Variants in FAM13A observed in about 807,000 individuals in gnomAD.
FAM13A encodes the protein family with sequence similarity 13 member A.
In FAM13A, 76 loss-of-function variants were observed where a neutral mutation model predicts 129.6. The ratio of observed to expected loss-of-function variants is 0.59; its 90% CI spans 0.49 to 0.71. The LOEUF is 0.71. Among genes scored for constraint, FAM13A ranks in the 30% least tolerant of loss-of-function variants. The probability of loss-of-function intolerance (pLI) is 0.00; values close to 1 mark genes in which losing one functional copy is unlikely to be tolerated. For synonymous variants in FAM13A, 443 were observed against 449.9 expected (o/e 0.98, Z 0.20); for missense variants, 1,108 against 1,249.3 (o/e 0.89, Z 1.70).
chr4:88,962,512 C>G (rs1165092630), intron 4 of FAM13A, among the ~76,000 whole-genome samples: 3 of 152,140 alleles, frequency 2.0e-5, no homozygotes, highest in Non-Finnish European at 2.9e-5. Context: ...TGGCTGCAAT[C>G]TGAGTAAGGG....
At chr4:88,814,999 A>G (rs1453344260) in intron 7 of FAM13A, among the ~76,000 whole-genome samples, 1 of 151,932 alleles carries the variant, frequency 6.6e-6, no homozygotes, top group African/African-American at 2.4e-5. Flanking sequence ...GCCACCATGC[A>G]CAGATAATTT....
intron 11 of FAM13A, among the ~76,000 whole-genome samples, chr4:88,769,109 T>A (rs1001711153): frequency 6.6e-6 from 1 of 152,224 alleles, no homozygotes; most frequent in African/African-American, 2.4e-5. Flanking sequence ...AAGTAACATA[T>A]GTTCATCTAC....
chr4:88,882,470 G>A (rs1743743312), intron 6 of FAM13A, among the ~76,000 whole-genome samples: 1 of 151,942 alleles, frequency 6.6e-6, no homozygotes, highest in Admixed American at 6.6e-5. Context: ...AGACAATGCT[G>A]AGATAATTCA....
chr4:88,985,218 T>C (rs1049951163), intron 4 of FAM13A, among the ~76,000 whole-genome samples: 1 of 152,194 alleles, frequency 6.6e-6, no homozygotes, highest in Non-Finnish European at 1.5e-5. Flanking sequence ...ATTACATTTA[T>C]ATGAAATGTC....
intron 20 of FAM13A, 130 bp from the exon 21 acceptor site, chr4:88,737,685 A>G: frequency 1.4e-6 from 1 of 735,554 alleles, no homozygotes. Flanking sequence ...CCTGCCAAAC[A>G]CTCCCAGGAA....
At chr4:88,856,645 T>C (rs1167908731) in intron 6 of FAM13A, among the ~76,000 whole-genome samples, 1 of 152,230 alleles carries the variant, frequency 6.6e-6, no homozygotes, top group Non-Finnish European at 1.5e-5. Flanking sequence ...AAGGCTTAAA[T>C]GATTATGAAA....
intron 6 of FAM13A, among the ~76,000 whole-genome samples, chr4:88,897,656 C>T (rs904651964): frequency 6.6e-6 from 1 of 152,092 alleles, no homozygotes; most frequent in Non-Finnish European, 1.5e-5. Flanking sequence ...GCAATGGAGG[C>T]CAAATGGAGT....
intron 23 of FAM13A, chr4:88,729,286 C>A (rs78517451): frequency 0.067 from 10,235 of 152,168 alleles, 407 homozygotes; most frequent in Non-Finnish European, 0.078. Context: ...CTTATAACAC[C>A]TTGATGAGAT....
At chr4:88,803,033 ACCAAACT>A (rs770260074) in intron 8 of FAM13A, among the ~76,000 whole-genome samples, 42 of 152,200 alleles carry the variant, frequency 2.8e-4, no homozygotes, top group Non-Finnish European at 3.1e-4. Context: ...AGAATTAACC[ACCAAACT>A]GAATATGCCA....
At chr4:88,862,932 AAAC>A in intron 6 of FAM13A, among the ~76,000 whole-genome samples, 1 of 152,070 alleles carries the variant, frequency 6.6e-6, no homozygotes, top group Non-Finnish European at 1.5e-5. Context: ...GAAAAAAAAA[AAAC>A]TATGTTTTTC....
chr4:88,964,962 T>C (rs1759155964), intron 4 of FAM13A, among the ~76,000 whole-genome samples: 1 of 152,156 alleles, frequency 6.6e-6, no homozygotes, highest in Admixed American at 6.6e-5. Context: ...AAATATATAA[T>C]AGAAAATCTA....
chr4:88,919,851 T>C (rs1286571020), intron 5 of FAM13A, among the ~76,000 whole-genome samples: 2 of 152,212 alleles, frequency 1.3e-5, no homozygotes, highest in African/African-American at 4.8e-5. Flanking sequence ...ACCCTAATAC[T>C]GCGCTTTTCC....
intron 4 of FAM13A, chr4:88,990,074 T>C (rs1762749347): frequency 6.6e-6 from 1 of 152,170 alleles, no homozygotes; most frequent in African/African-American, 2.4e-5. Context: ...TACTTAAAAG[T>C]TAACACCTTT....
intron 21 of FAM13A, chr4:88,732,630 TAA>T (rs61477444): frequency 0.15 from 22,207 of 145,910 alleles, 1,873 homozygotes; most frequent in East Asian, 0.29. Flanking sequence ...CAGATGGCTT[TAA>T]AAAAAAAAAA....
At chr4:88,937,306 CAA>C (rs1224696209) in intron 5 of FAM13A, 2 of 152,146 alleles carry the variant, frequency 1.3e-5, no homozygotes, top group Non-Finnish European at 2.9e-5. Context: ...TATGAATCAG[CAA>C]AGAGTATGTT....
intron 13 of FAM13A, among the ~76,000 whole-genome samples, chr4:88,763,303 TC>T (rs1745148330): frequency 1.3e-5 from 2 of 152,278 alleles, no homozygotes; most frequent in South Asian, 4.1e-4. Flanking sequence ...ATTCATTCAT[TC>T]ATTCATACAT....
At chr4:88,983,134 A>T (rs964544156) in intron 4 of FAM13A, among the ~76,000 whole-genome samples, 13 of 152,140 alleles carry the variant, frequency 8.5e-5, no homozygotes, top group African/African-American at 2.7e-4. Context: ...CCTTATAGGT[A>T]TAAGGAAAGA....
chr4:88,773,950 G>T (rs989837302), intron 11 of FAM13A, among the ~76,000 whole-genome samples: 1 of 152,036 alleles, frequency 6.6e-6, no homozygotes. Context: ...CCTACTTAAG[G>T]TAACTGCTAA....
At chr4:88,924,498 C>T (rs1443251006) in intron 5 of FAM13A, among the ~76,000 whole-genome samples, 1 of 152,112 alleles carries the variant, frequency 6.6e-6, no homozygotes, top group Non-Finnish European at 1.5e-5. Context: ...ACTGGCTAGC[C>T]ATATGTAGAA....
Sources: gnomAD v4.1 joint callset for allele counts (sites outside exome capture counted in the v4.1 genomes callset) on GRCh38, gnomAD v4.1.1 for gene constraint, MANE v1.5 for transcripts, NCBI Gene and HGNC (gene_info 2026-07-23, HGNC 2026-07-21) for gene names.